DTWD2: variants seen among roughly 807,000 people sequenced by gnomAD.
DTWD2 encodes the protein DTW motif tRNA-uridine aminocarboxypropyltransferase 2.
A neutral mutation model predicts 31.8 loss-of-function variants in DTWD2; 39 were observed. That is an observed-to-expected ratio of 1.22 (90% CI 0.95 to 1.60). The LOEUF (loss-of-function observed/expected upper bound fraction) is 1.60. DTWD2 is among the 40% of genes most tolerant of loss of function. The pLI is 0.00. For missense variants in DTWD2, 515 were observed against 381.5 expected, an observed-to-expected ratio of 1.35 and a Z score of -2.92; for synonymous variants, 180 against 142.8, an observed-to-expected ratio of 1.26 and a Z score of -1.86.
intron 4 of DTWD2, among the ~76,000 whole-genome samples, chr5:118,928,172 A>T (rs529703533): frequency 3.5e-4 from 53 of 152,172 alleles, no homozygotes; most frequent in African/African-American, 1.2e-3. Flanking sequence ...TCAGTAACCA[A>T]ATAATAGTAT....
At chr5:118,972,928 A>G (rs1307929282) in intron 1 of DTWD2, among the ~76,000 whole-genome samples, 1 of 152,162 alleles carries the variant, frequency 6.6e-6, no homozygotes, top group African/African-American at 2.4e-5. Flanking sequence ...TTGGGTGCAT[A>G]TATATTTAGG....
chr5:118,960,201 T>C (rs1754675639), intron 1 of DTWD2, among the ~76,000 whole-genome samples: 1 of 151,826 alleles, frequency 6.6e-6, no homozygotes, highest in Non-Finnish European at 1.5e-5. Context: ...CTGACAAAGG[T>C]CTAATATTCA....
chr5:118,896,836 G>T (rs1753093950), intron 4 of DTWD2, among the ~76,000 whole-genome samples: 1 of 152,246 alleles, frequency 6.6e-6, no homozygotes, highest in East Asian at 1.9e-4. Flanking sequence ...CCAGTCAATG[G>T]ACCCAGCTGA....
At chr5:118,901,854 T>C (rs1195747528) in intron 4 of DTWD2, among the ~76,000 whole-genome samples, 3 of 152,274 alleles carry the variant, frequency 2.0e-5, no homozygotes, top group South Asian at 2.1e-4. Context: ...GCGATCCTCT[T>C]GCCTCAGCCT....
In DTWD2 at chr5:118,988,430, C is replaced by G; in HGVS notation, c.82G>C (p.Asp28His). 4 of 1,607,264 alleles carry G rather than the reference C, an allele frequency of 2.5e-6. No individual in the cohort carries two copies. The highest frequency in any genetic ancestry group is 3.4e-6 in the Non-Finnish European group (4 of 1,178,280). ...SGASSSQTPN[D>H]KERREGGAVP... ...GCGCCGCCCTCCCGCCGCTCCTTGT[C>G]GTTCGGCGTCTGAGAGCTTGAGGCC... Residue 28 changes from aspartate (D) to histidine (H), a missense_variant, in exon 1 of 6, where the codon GAC becomes CAC. Asp to His is a moderately conservative substitution (Grantham distance 81, BLOSUM62 -1). Coordinates refer to ENST00000510708, the MANE Select transcript of DTWD2 (RefSeq NM_173666.4).
chr5:118,925,150 ACC>A (rs1347542731), intron 4 of DTWD2, among the ~76,000 whole-genome samples: 1 of 152,228 alleles, frequency 6.6e-6, no homozygotes, highest in Admixed American at 6.5e-5. Context: ...GCTTGTATGC[ACC>A]CAACAACAGA....
chr5:118,881,900 T>C (rs1423684836), intron 4 of DTWD2, among the ~76,000 whole-genome samples: 1 of 152,154 alleles, frequency 6.6e-6, no homozygotes, highest in Non-Finnish European at 1.5e-5. Flanking sequence ...AGAGTCAAAC[T>C]ATATCATTCC....
intron 1 of DTWD2, among the ~76,000 whole-genome samples, chr5:118,962,017 G>A (rs985415428): frequency 6.6e-6 from 1 of 152,136 alleles, no homozygotes; most frequent in East Asian, 1.9e-4. Flanking sequence ...TGAGGCGGGA[G>A]GATCATCTGA....
intron 2 of DTWD2, among the ~76,000 whole-genome samples, chr5:118,940,851 C>T (rs1417063753): frequency 6.6e-6 from 1 of 152,004 alleles, no homozygotes; most frequent in African/African-American, 2.4e-5. Flanking sequence ...CTTCCTCTCA[C>T]ATCTAATATT....
At chr5:118,915,193 G>A (rs1753546294) in intron 4 of DTWD2, among the ~76,000 whole-genome samples, 1 of 151,924 alleles carries the variant, frequency 6.6e-6, no homozygotes, top group Non-Finnish European at 1.5e-5. Flanking sequence ...CTCCACCTGG[G>A]CAACACAGTG....
intron 4 of DTWD2, among the ~76,000 whole-genome samples, chr5:118,868,374 C>T (rs1279177221): frequency 6.6e-6 from 1 of 152,030 alleles, no homozygotes; most frequent in African/African-American, 2.4e-5. Flanking sequence ...TTGGATATGA[C>T]ACCAAACGTA....
intron 4 of DTWD2, among the ~76,000 whole-genome samples, chr5:118,888,018 G>A (rs1393126345): frequency 1.3e-5 from 2 of 152,192 alleles, no homozygotes; most frequent in African/African-American, 2.4e-5. Context: ...CAAGAATTCT[G>A]AGGCTGGGGA....
chr5:118,845,191 C>A (rs1195436759), intron 5 of DTWD2, among the ~76,000 whole-genome samples: 1 of 151,720 alleles, frequency 6.6e-6, no homozygotes, highest in African/African-American at 2.4e-5. Context: ...GAAAGTGAAG[C>A]AAAGAAAAGA....
chr5:118,864,494 T>C (rs371885234), intron 4 of DTWD2, among the ~76,000 whole-genome samples: 4 of 148,150 alleles, frequency 2.7e-5, no homozygotes, highest in East Asian at 2.0e-4. Context: ...AACTAACCTG[T>C]ACATTGTGCA....
At chr5:118,935,035 G>C (rs1370672195) in intron 3 of DTWD2, among the ~76,000 whole-genome samples, 1 of 152,104 alleles carries the variant, frequency 6.6e-6, no homozygotes, top group Non-Finnish European at 1.5e-5. Context: ...GAAAGACTAA[G>C]GGGAAGGAGA....
intron 4 of DTWD2, among the ~76,000 whole-genome samples, chr5:118,900,365 T>C (rs1753178285): frequency 6.6e-6 from 1 of 152,188 alleles, no homozygotes; most frequent in African/African-American, 2.4e-5. Flanking sequence ...AAAAAGCTAC[T>C]TGTCATATAA....
chr5:118,890,039 T>C (rs889519932), intron 4 of DTWD2, among the ~76,000 whole-genome samples: 31 of 152,202 alleles, frequency 2.0e-4, no homozygotes, highest in African/African-American at 7.5e-4. Flanking sequence ...CAATAAATAA[T>C]ACTTGGTGAG....
At chr5:118,849,386 G>C (rs963092716) in intron 4 of DTWD2, among the ~76,000 whole-genome samples, 119 of 152,266 alleles carry the variant, frequency 7.8e-4, no homozygotes, top group African/African-American at 2.8e-3. Flanking sequence ...ATATATACTA[G>C]AGAGGATCTG....
intron 2 of DTWD2, among the ~76,000 whole-genome samples, chr5:118,943,428 G>A (rs1375550022): frequency 6.6e-6 from 1 of 152,022 alleles, no homozygotes; most frequent in Non-Finnish European, 1.5e-5. Flanking sequence ...GTGGGCGCCT[G>A]TAGTCCCAGC....
Sources: allele counts gnomAD v4.1 joint callset (sites outside exome capture counted in the v4.1 genomes callset), GRCh38; gene constraint gnomAD v4.1.1; transcripts MANE v1.5; gene names NCBI Gene and HGNC (gene_info 2026-07-23, HGNC 2026-07-21).